The following USP13 variants were observed in gnomAD, a reference collection of about 807,000 sequenced individuals.
USP13 encodes the protein ubiquitin carboxyl-terminal hydrolase 13.
Under a neutral mutation model 107.8 loss-of-function variants are expected in USP13, and 68 were observed. The observed-to-expected ratio is 0.63, with a 90% CI of 0.52 to 0.77. USP13 has a LOEUF of 0.77. Among genes scored for constraint, USP13 ranks in the 30% least tolerant of loss-of-function variants. The pLI, the probability that USP13 is intolerant of heterozygous loss-of-function variation, is 0.00. For synonymous variants in USP13, 377 were observed against 389.5 expected (o/e 0.97, Z 0.38); for missense variants, 945 against 1,093.3 (o/e 0.86, Z 1.91).
chr3:179,772,792 A>G (rs538100012), intron 19 of USP13, among the ~76,000 whole-genome samples: 2 of 152,336 alleles, frequency 1.3e-5, no homozygotes, highest in African/African-American at 4.8e-5. Flanking sequence ...AGCATTCGGC[A>G]TTGTAACCGA....
rs4041265 is a variant in USP13, at chr3:179,696,328, A to ATTTTT, written c.356-4665_356-4661dup. 4.2e-4 allele frequency among the ~76,000 whole-genome samples: 50 copies of ATTTTT among 117,686 alleles called. 3 individuals carry two copies. Among genetic ancestry groups the ATTTTT allele is most frequent in the Admixed American group, 5.1e-4 (5 of 9,710 alleles). 77.2% of individuals were successfully genotyped at this position (117,686 alleles called of 152,430 possible). A position where few individuals can be genotyped will look rare whatever the true frequency, so the allele number is the denominator to read the frequency against. On this transcript the variant is annotated intron_variant, in intron 3 of 20. Transcript: ENST00000263966. The stretch of plus-strand genomic sequence containing the variant: ...TACTAAATAAACAGAGCCATTAGGC[A>ATTTTT]TTTTTTTTTTTTTTTTTTTGAGATG...
chr3:179,747,882 CA>C (rs1368454268), intron 13 of USP13, among the ~76,000 whole-genome samples: 2 of 152,200 alleles, frequency 1.3e-5, no homozygotes, highest in African/African-American at 4.8e-5. Flanking sequence ...ATAGTTCTTA[CA>C]AGGAGCTTTT....
chr3:179,680,173 A>AAAC (rs56274945), intron 1 of USP13, among the ~76,000 whole-genome samples: 8,877 of 150,252 alleles, frequency 0.059, 296 homozygotes, highest in South Asian at 0.077. Flanking sequence ...ACGCTGTTGA[A>AAAC]AACAACAACA....
chr3:179,782,232 TATAA>T (rs1177611212), intron 20 of USP13, among the ~76,000 whole-genome samples: 2 of 152,366 alleles, frequency 1.3e-5, no homozygotes, highest in East Asian at 3.9e-4. Flanking sequence ...AATTTTTTAG[TATAA>T]ATAAATTTCA....
Position 179,708,893 on chromosome 3 carries a change from G to T in USP13, c.741G>T (p.Glu247Asp), listed in dbSNP as rs1218849757. 2 of 1,614,144 alleles carry T rather than the reference G, an allele frequency of 1.2e-6. No homozygotes were observed. Among genetic ancestry groups the T allele is most frequent in the South Asian group, 2.2e-5 (2 of 91,074 alleles). Residue 247 changes from glutamate (E) to aspartate (D), a missense_variant, in exon 6 of 21, where the codon GAG becomes GAT. By Grantham distance (45) the Glu-to-Asp change is conservative. Coordinates refer to ENST00000263966, the MANE Select transcript of USP13 (RefSeq NM_003940.3). ...DSSGGNGHAL[E>D]HYRDMGYPLA... ...CTGGGGGCAACGGGCATGCGCTGGA[G>T]CATTACAGAGACATGGGCTACCCAC... is the stretch of plus-strand genomic sequence containing the variant.
At chr3:179,658,505 G>T (rs945018917) in intron 1 of USP13, among the ~76,000 whole-genome samples, 1 of 152,176 alleles carries the variant, frequency 6.6e-6, no homozygotes, top group African/African-American at 2.4e-5. Flanking sequence ...AACTGAAAAC[G>T]GGGAGGCTTA....
intron 10 of USP13, among the ~76,000 whole-genome samples, chr3:179,737,477 A>G (rs987094399): frequency 1.2e-4 from 18 of 152,226 alleles, no homozygotes; most frequent in Middle Eastern, 3.2e-3. Flanking sequence ...AAGCTAGGGC[A>G]TTATTATTGC....
chr3:179,688,194 A>AATTC (rs1711960065), intron 2 of USP13, among the ~76,000 whole-genome samples: 1 of 48,110 alleles, frequency 2.1e-5, no homozygotes, highest in South Asian at 7.1e-4. Context: ...TCCATTCATC[A>AATTC]ATCCATCCAT....
chr3:179,725,258 A>T (rs1713474082), intron 8 of USP13, among the ~76,000 whole-genome samples: 1 of 152,152 alleles, frequency 6.6e-6, no homozygotes, highest in Non-Finnish European at 1.5e-5. Context: ...ATCTTGCCTT[A>T]AAGCATAAGC....
At chr3:179,662,116 G>T (rs112302870) in intron 1 of USP13, among the ~76,000 whole-genome samples, 5 of 152,080 alleles carry the variant, frequency 3.3e-5, no homozygotes, top group African/African-American at 1.2e-4. Context: ...TACCTGAATA[G>T]CATCTATTTT....
chr3:179,729,480 AT>A (rs1052120803), intron 8 of USP13, among the ~76,000 whole-genome samples: 3 of 151,014 alleles, frequency 2.0e-5, no homozygotes, highest in African/African-American at 4.9e-5. Context: ...TTATTTATTT[AT>A]TTTTTTTTGA....
At position 179,653,354 on chromosome 3, in the gene USP13, G is replaced by C; in HGVS notation, c.129G>C (p.Arg43Ser). The change falls in exon 1 of 21, where the codon AGG (arginine) becomes AGC (serine). Residue 43 changes from arginine (R) to serine (S), a missense_variant. Arg to Ser is a moderately radical substitution (Grantham distance 110). Coordinates refer to ENST00000263966, the MANE Select transcript of USP13 (RefSeq NM_003940.3). This position sits in a 1 kb window ranked among gnomAD's most constrained non-coding sequence, Gnocchi z 4.0. ...TCCGCGTGCCCAGGTCCGGCGACAG[G>C]GTCTACAAGAACGAGTGCGCCTTCT... Reference protein sequence around the residue: ...PTIRVPRSGDRVYKNECAFSY... With the variant: ...PTIRVPRSGDSVYKNECAFSY... 1 of 1,576,146 alleles carries C rather than the reference G, an allele frequency of 6.3e-7. No individual in the cohort carries two copies. The highest frequency in any genetic ancestry group is 8.6e-7 in the Non-Finnish European group (1 of 1,161,134).
chr3:179,693,878 C>G (rs1008548493), intron 3 of USP13, among the ~76,000 whole-genome samples: 12 of 151,116 alleles, frequency 7.9e-5, no homozygotes, highest in African/African-American at 2.4e-4. Flanking sequence ...GAGGTTTCAC[C>G]ATGTTGGTCA....
intron 6 of USP13, among the ~76,000 whole-genome samples, chr3:179,713,883 C>G (rs1713012928): frequency 6.6e-6 from 1 of 152,120 alleles, no homozygotes; most frequent in Non-Finnish European, 1.5e-5. Context: ...TCCTTGAGGT[C>G]TCAACTTAGA....
intron 8 of USP13, among the ~76,000 whole-genome samples, chr3:179,727,592 C>T (rs1368804921): frequency 9.4e-6 from 1 of 106,336 alleles, no homozygotes; most frequent in African/African-American, 3.2e-5. Context: ...GGCAACCATC[C>T]GATTTCTCAA....
chr3:179,784,028 T>C lies in USP13; in HGVS notation c.2499-20T>C. ...CTGGAACTGACTTAAATCCATCAAA[T>C]GCTTCTGTCTTATTTTCAGATGGGT... On this transcript the variant is annotated intron_variant, in intron 20 of 20. Coordinates refer to ENST00000263966, the MANE Select transcript of USP13 (RefSeq NM_003940.3). 1.3e-6 allele frequency: 2 copies of C among 1,596,346 alleles called. No individual in the cohort carries two copies. Among genetic ancestry groups the C allele is most frequent in the Middle Eastern group, 1.7e-4 (1 of 5,972 alleles).
chr3:179,671,442 A>G (rs1720747081), intron 1 of USP13, among the ~76,000 whole-genome samples: 1 of 152,188 alleles, frequency 6.6e-6, no homozygotes, highest in South Asian at 2.1e-4. Flanking sequence ...CCAGAAGAAA[A>G]CAGGAAGAAA....
chr3:179,783,668 A>G (rs895667391), intron 20 of USP13, among the ~76,000 whole-genome samples: 4 of 152,182 alleles, frequency 2.6e-5, no homozygotes, highest in African/African-American at 9.7e-5. Flanking sequence ...GAGGTTCCTG[A>G]TACATTTTAG....
chr3:179,696,575 G>A (rs1261495781), intron 3 of USP13, among the ~76,000 whole-genome samples: 1 of 152,018 alleles, frequency 6.6e-6, no homozygotes, highest in African/African-American at 2.4e-5. Flanking sequence ...CTCGTGATCT[G>A]CCCACCTTGG....
Sources: gnomAD v4.1 joint callset for allele counts (sites outside exome capture counted in the v4.1 genomes callset) on GRCh38, gnomAD v4.1.1 for gene constraint, Gnocchi (gnomAD v3.1) non-coding constraint, MANE v1.5 for transcripts, NCBI Gene and HGNC (gene_info 2026-07-23, HGNC 2026-07-21) for gene names.